KLRG1: variants seen among roughly 807,000 people sequenced by gnomAD.
KLRG1 encodes killer cell lectin like receptor G1.
A neutral mutation model predicts 21.8 loss-of-function variants in KLRG1; 16 were observed. The ratio of observed to expected loss-of-function variants is 0.73; its 90% CI spans 0.50 to 1.11. The LOEUF is 1.11. Ranked by LOEUF, KLRG1 falls within the 50% of genes most tolerant of loss-of-function variation. KLRG1 has a pLI of 0.00. For missense variants in KLRG1, 173 were observed against 218.3 expected, an observed-to-expected ratio of 0.79 and a Z score of 1.31; for synonymous variants, 69 against 75.9, an observed-to-expected ratio of 0.91 and a Z score of 0.47.
At chr12:9,109,925 C>T in the KLRG1 span, 2 of 1,613,824 alleles carry the variant, frequency 1.2e-6, no homozygotes, top group African/African-American at 1.3e-5. Flanking sequence ...TCTGTACCAC[C>T]ACCTTGTAGG....
downstream of KLRG1, among the ~76,000 whole-genome samples, chr12:9,014,697 C>T (rs1415666862): frequency 6.6e-6 from 1 of 151,772 alleles, no homozygotes; most frequent in Non-Finnish European, 1.5e-5. Flanking sequence ...AGTAAGTACA[C>T]AGACAAACAG....
the KLRG1 span, chr12:9,076,621 A>G: frequency 1.3e-6 from 1 of 746,014 alleles, no homozygotes; most frequent in Non-Finnish European, 2.1e-6. Context: ...AAGATGCAAT[A>G]TGGACAAAAT....
At chr12:9,204,457 A>G in the KLRG1 span, among the ~76,000 whole-genome samples, 4 of 152,358 alleles carry the variant, frequency 2.6e-5, no homozygotes, top group Middle Eastern at 3.4e-3. Flanking sequence ...CAGTAAGCAT[A>G]TATCATTACA....
the KLRG1 span, among the ~76,000 whole-genome samples, chr12:9,184,615 G>T: frequency 1.3e-5 from 2 of 152,236 alleles, no homozygotes; most frequent in Admixed American, 6.5e-5. Context: ...AATGAGGAGG[G>T]ATCCCACTGC....
chr12:9,003,818 G>A (rs1030432780), intron 3 of KLRG1, among the ~76,000 whole-genome samples: 1 of 151,696 alleles, frequency 6.6e-6, no homozygotes, highest in Non-Finnish European at 1.5e-5. Flanking sequence ...TCGTTATTTA[G>A]CATTAGGTAT....
At chr12:9,189,761 C>A in the KLRG1 span, among the ~76,000 whole-genome samples, 1 of 152,134 alleles carries the variant, frequency 6.6e-6, no homozygotes, top group Non-Finnish European at 1.5e-5. Flanking sequence ...GGTCTAATAT[C>A]TAGCATCTGT....
the KLRG1 span, chr12:9,101,487 C>T: frequency 2.5e-6 from 4 of 1,613,874 alleles, no homozygotes; most frequent in Non-Finnish European, 3.4e-6. Context: ...CAGCAGGGTG[C>T]CTCCATTCAG....
chr12:9,017,286 A>AAAG, the KLRG1 span, among the ~76,000 whole-genome samples: 1 of 145,840 alleles, frequency 6.9e-6, no homozygotes, highest in African/African-American at 2.6e-5. Context: ...AAAAAAAAAA[A>AAAG]AAAAGAAAAG....
the KLRG1 span, among the ~76,000 whole-genome samples, chr12:9,197,302 G>T: frequency 1.3e-5 from 2 of 149,292 alleles, no homozygotes; most frequent in African/African-American, 2.5e-5. Flanking sequence ...TAAAACCTTT[G>T]AAACTTGACT....
At chr12:9,203,898 C>G in the KLRG1 span, 1 of 1,613,970 alleles carries the variant, frequency 6.2e-7, no homozygotes, top group Non-Finnish European at 8.5e-7. Context: ...AAGGACACAG[C>G]CCTTCTTAGG....
chr12:9,158,501 T>G, the KLRG1 span: 1 of 1,614,134 alleles, frequency 6.2e-7, no homozygotes, highest in East Asian at 2.2e-5. Context: ...ACGTGAGAGA[T>G]TGGGTAATGT....
chr12:8,983,156 CT>C (rs1239893779), intron 1 of KLRG1, among the ~76,000 whole-genome samples: 2 of 151,550 alleles, frequency 1.3e-5, no homozygotes, highest in African/African-American at 4.8e-5. Context: ...AAATATAATT[CT>C]TTATATGTAC....
At chr12:9,036,118 G>A in the KLRG1 span, among the ~76,000 whole-genome samples, 1 of 152,130 alleles carries the variant, frequency 6.6e-6, no homozygotes, top group Non-Finnish European at 1.5e-5. Flanking sequence ...TAACAAACCT[G>A]CACATGTACC....
chr12:9,095,484 T>C, the KLRG1 span: 2 of 1,513,998 alleles, frequency 1.3e-6, no homozygotes, highest in Non-Finnish European at 1.8e-6. Context: ...CTCTTTTCCA[T>C]GTGTAATATT....
At chr12:9,061,307 C>A in the KLRG1 span, among the ~76,000 whole-genome samples, 1 of 151,968 alleles carries the variant, frequency 6.6e-6, no homozygotes, top group Admixed American at 6.6e-5. Context: ...AGAGATGGGG[C>A]CTTGCTATGT....
chr12:8,999,949 C>T (rs1356407606), intron 3 of KLRG1, among the ~76,000 whole-genome samples: 1 of 152,076 alleles, frequency 6.6e-6, no homozygotes, highest in Non-Finnish European at 1.5e-5. Flanking sequence ...GCAGGAGAAT[C>T]ACTTGAGCCC....
At chr12:9,203,803 C>T in the KLRG1 span, 12 of 1,614,130 alleles carry the variant, frequency 7.4e-6, no homozygotes, top group Non-Finnish European at 1.0e-5. Context: ...TCCTTCTCCG[C>T]CACCAGGTCA....
At chr12:9,209,496 A>T in the KLRG1 span, among the ~76,000 whole-genome samples, 1 of 152,000 alleles carries the variant, frequency 6.6e-6, no homozygotes. Context: ...CATGCACCCA[A>T]CTTTAATAAA....
the KLRG1 span, among the ~76,000 whole-genome samples, chr12:9,090,791 G>A: frequency 6.6e-6 from 1 of 152,128 alleles, no homozygotes; most frequent in African/African-American, 2.4e-5. Context: ...CGGATCTCCC[G>A]GCAGAGGATA....
Sources: gnomAD v4.1 joint callset for allele counts (sites outside exome capture counted in the v4.1 genomes callset) on GRCh38, gnomAD v4.1.1 for gene constraint, MANE v1.5 for transcripts, NCBI Gene and HGNC (gene_info 2026-07-23, HGNC 2026-07-21) for gene names.